MLXIPL: variants seen among roughly 807,000 people sequenced by gnomAD.
MLXIPL encodes carbohydrate-responsive element-binding protein.
A neutral mutation model predicts 81.5 loss-of-function variants in MLXIPL; 49 were observed. The observed-to-expected ratio is 0.60, with a 90% CI of 0.48 to 0.76. The LOEUF (loss-of-function observed/expected upper bound fraction) is 0.76. MLXIPL is among the 30% of genes least tolerant of loss of function. The pLI is 0.00. For synonymous variants in MLXIPL, 466 were observed against 485.5 expected, an observed-to-expected ratio of 0.96 and a Z score of 0.53; for missense variants, 1,053 against 1,167.0, an observed-to-expected ratio of 0.90 and a Z score of 1.42.
chr7:73,599,947 AC>A (rs1354488303), intron 7 of MLXIPL, among the ~76,000 whole-genome samples: 2 of 151,890 alleles, frequency 1.3e-5, no homozygotes, highest in African/African-American at 4.8e-5. Flanking sequence ...GTGAACAGGG[AC>A]CCCAGGAAGG....
chr7:73,605,694 T>A lies in MLXIPL; in HGVS notation c.895A>T (p.Ile299Phe). The A allele has an allele frequency of 6.2e-7, 1 of 1,613,496 alleles. No individual in the cohort carries two copies. Among genetic ancestry groups the A allele is most frequent in the Non-Finnish European group, 8.5e-7 (1 of 1,179,874 alleles). Residue 299 changes from isoleucine to phenylalanine, a missense_variant, in exon 7 of 17, where the codon ATC becomes TTC. Physicochemically the swap from Ile to Phe is conservative, Grantham distance 21. Transcript: ENST00000313375. ...GGGGAGGGGCTCGCCCCACCTGAGA[T>A]GTCCATGAAGTCATCCAGGCTTGGC... Reference protein sequence around the residue: ...LQPSLDDFMDISDFFTNSRLP... With the variant: ...LQPSLDDFMDFSDFFTNSRLP...
chr7:73,597,340 G>A lies in MLXIPL; in HGVS notation c.1445C>T (p.Pro482Leu), dbSNP rs781786111. The change falls in exon 9 of 17, where the codon CCT becomes CTT. Residue 482 changes from proline to leucine, a missense_variant. Around this residue, in one of 3 missense-constraint regions of MLXIPL, gnomAD observed 823 missense variants for 933.0 expected, o/e 0.88. Coordinates refer to ENST00000313375, the MANE Select transcript of MLXIPL (RefSeq NM_032951.3). The part of the protein sequence containing the change: ...IELLPLGYSE[P>L]AFGPCFSMPR... The stretch of plus-strand genomic sequence containing the variant: ...CATGGAGAAGCAAGGCCCAAAGGCA[G>A]GCTCCGAATACCCCAAGGGTAGAAG... 6.5e-7 allele frequency: 1 copy of A among 1,538,020 alleles called. No individual in the cohort carries two copies. The highest frequency in any genetic ancestry group is 1.2e-5 in the South Asian group (1 of 80,190).
chr7:73,615,934 A>AAT, intron 2 of MLXIPL, 137 bp downstream of exon 2: 2 of 597,090 alleles, frequency 3.3e-6, no homozygotes, highest in Non-Finnish European at 5.9e-6. Flanking sequence ...AAAAAAAAAA[A>AAT]GGTTGGCAGA....
In MLXIPL at chr7:73,599,512, T is replaced by A. The variant is rs1037248078; in HGVS notation, c.1071+14A>T. On this transcript the variant is annotated intron_variant, in intron 8 of 16. Coordinates refer to ENST00000313375, the MANE Select transcript of MLXIPL (RefSeq NM_032951.3). ...GTGAGCTACACAGGGCTGGACGGGG[T>A]GGGGTGAGCTCACCTGCAGACGGCT... is the stretch of plus-strand genomic sequence containing the variant. The A allele has an allele frequency of 6.2e-7, 1 of 1,609,888 alleles. No individual in the cohort carries two copies. Among genetic ancestry groups the A allele is most frequent in the Non-Finnish European group, 8.5e-7 (1 of 1,179,256 alleles).
At chr7:73,643,374 C>A in the MLXIPL span, among the ~76,000 whole-genome samples, 1 of 152,066 alleles carries the variant, frequency 6.6e-6, no homozygotes, top group African/African-American at 2.4e-5. Context: ...ATTGGCCGGG[C>A]ATGGTGGCGG....
the MLXIPL span, among the ~76,000 whole-genome samples, chr7:73,640,498 C>T: frequency 6.7e-4 from 101 of 151,704 alleles, no homozygotes; most frequent in Non-Finnish European, 1.2e-3. Context: ...TGATGGCGGC[C>T]GGGCGTGGTG....
chr7:73,595,470 C>T (rs532693535), intron 15 of MLXIPL, among the ~76,000 whole-genome samples, 167 bp downstream of exon 15: 1 of 152,260 alleles, frequency 6.6e-6, no homozygotes, highest in South Asian at 2.1e-4. Context: ...ATTTTGCTGG[C>T]CAAGATGGCC....
chr7:73,644,885 C>A, the MLXIPL span, among the ~76,000 whole-genome samples: 1 of 152,214 alleles, frequency 6.6e-6, no homozygotes, highest in Non-Finnish European at 1.5e-5. Context: ...GGGCATCAGG[C>A]CCCTGGACTG....
At position 73,596,377 on chromosome 7, in the gene MLXIPL, G is replaced by T; in HGVS notation, c.1925C>A (p.Pro642Gln). Residue 642 changes from proline to glutamine, a missense_variant, in exon 12 of 17, where the codon CCA becomes CAA. Transcript: ENST00000313375. This position sits in a 1 kb window ranked among gnomAD's most constrained non-coding sequence, Gnocchi z 4.7. The stretch of plus-strand genomic sequence containing the variant: ...GATGGTGCCCACCTTGTTGCTGTCT[G>T]GACGGCCCCGGCTGAGGATGGGTTG... ...PPQPILSRGR[P>Q]DSNKTENRRI... 1 of 1,613,230 alleles carries T rather than the reference G, an allele frequency of 6.2e-7. No individual in the cohort carries two copies. Among genetic ancestry groups the T allele is most frequent in the Non-Finnish European group, 8.5e-7 (1 of 1,179,936 alleles).
chr7:73,616,544 A>G (rs1445543772), intron 1 of MLXIPL, among the ~76,000 whole-genome samples: 2 of 152,090 alleles, frequency 1.3e-5, no homozygotes, highest in Non-Finnish European at 2.9e-5. Context: ...CTCATTTAAG[A>G]GAATAAGAAA....
At chr7:73,601,077 A>G (rs905320492) in intron 7 of MLXIPL, among the ~76,000 whole-genome samples, 8 of 148,852 alleles carry the variant, frequency 5.4e-5, no homozygotes, top group African/African-American at 1.7e-4. Flanking sequence ...CCCCCCTGCC[A>G]GGAGAGCTGC....
At chr7:73,628,602 C>T (rs1267524932), upstream of MLXIPL, among the ~76,000 whole-genome samples, 1 of 152,032 alleles carries the variant, frequency 6.6e-6, no homozygotes, top group Non-Finnish European at 1.5e-5. Flanking sequence ...CCAAAGTGAT[C>T]CTCCCACTTC....
At chr7:73,637,779 G>A in the MLXIPL span, among the ~76,000 whole-genome samples, 2 of 152,168 alleles carry the variant, frequency 1.3e-5, no homozygotes, top group South Asian at 2.1e-4. Flanking sequence ...GGGACAGGGA[G>A]GACACAGGAG....
In MLXIPL at chr7:73,593,614, G is replaced by T. The variant is rs1554592596; in HGVS notation, c.*251C>A. 4.1e-6 allele frequency: 2 copies of T among 483,598 alleles called. No homozygotes were observed. The highest frequency in any genetic ancestry group is 3.8e-6 in the Non-Finnish European group (1 of 261,854). The allele number at this position is 483,598 out of a possible 1,614,324, so 30.0% of individuals were successfully genotyped here. ...CCATTTTGCAGATTGAAACACAGCG[G>T]TCCAAAGACAGCGGACGAGTCACCC... On this transcript the variant is annotated 3_prime_UTR_variant, in exon 17 of 17. Transcript: ENST00000313375.
the MLXIPL span, among the ~76,000 whole-genome samples, chr7:73,632,203 T>C: frequency 1.3e-5 from 2 of 151,800 alleles, no homozygotes; most frequent in African/African-American, 4.8e-5. Context: ...AGTCTCATTA[T>C]GCTGTCCAAG....
chr7:73,632,788 TTCC>T, the MLXIPL span, among the ~76,000 whole-genome samples: 2 of 126,720 alleles, frequency 1.6e-5, no homozygotes, highest in Non-Finnish European at 3.5e-5. Context: ...CCTTCCTTCC[TTCC>T]TTCCTTCCGA....
At chr7:73,624,584 C>A, upstream of MLXIPL, 1 of 1,428,474 alleles carries the variant, frequency 7.0e-7, no homozygotes, top group Non-Finnish European at 9.1e-7. Context: ...AGCCCCGCCC[C>A]CACACCATAG....
chr7:73,631,586 T>TTTTTTA, the MLXIPL span, among the ~76,000 whole-genome samples: 1 of 143,132 alleles, frequency 7.0e-6, no homozygotes, highest in African/African-American at 2.6e-5. Flanking sequence ...TTTTTTTTTT[T>TTTTTTA]AGGTAGAGAT....
rs543537586 is a variant in MLXIPL at position 73,596,664 on chromosome 7, C to T, written c.1797G>A (p.Glu599=). The T allele has an allele frequency of 3.1e-6, 5 of 1,591,472 alleles. No individual in the cohort carries two copies. In the African/African-American group the frequency reaches 4.0e-5, roughly 13 times the overall value. Residue 599 remains glutamate (E), a synonymous_variant, in exon 11 of 17, where the codon GAG becomes GAA. Coordinates refer to ENST00000313375, the MANE Select transcript of MLXIPL (RefSeq NM_032951.3). This position sits in a 1 kb window ranked among gnomAD's most constrained non-coding sequence, Gnocchi z 4.7. ...CGCTGGGCGCTGGGGGTGAGAGCCG[C>T]TCCGCTTTGGGGACAAGCAGGGGCC... is the stretch of plus-strand genomic sequence containing the variant. ...PSRPLLVPKA[E]RLSPPAPSGS... is the part of the protein sequence containing the mutation.
Sources: gnomAD v4.1 joint callset for allele counts (sites outside exome capture counted in the v4.1 genomes callset) on GRCh38, gnomAD v4.1.1 for gene constraint, gnomAD v4.1.1 regional missense constraint, Gnocchi (gnomAD v3.1) non-coding constraint, MANE v1.5 for transcripts, NCBI Gene and HGNC (gene_info 2026-07-23, HGNC 2026-07-21) for gene names.